DSCAM: variants seen among roughly 807,000 people sequenced by gnomAD.
DSCAM encodes DS cell adhesion molecule.
DSCAM carries 47 observed loss-of-function variants against 217.7 expected under a neutral mutation model. The observed-to-expected ratio is 0.22, with a 90% CI of 0.17 to 0.28. The LOEUF (loss-of-function observed/expected upper bound fraction) is 0.28, where lower values mean the gene tolerates loss of function less well. Among genes scored for constraint, DSCAM ranks in the 10% least tolerant of loss-of-function variants. DSCAM has a pLI of 1.00. For missense variants in DSCAM, 2,080 were observed against 2,618.3 expected, an observed-to-expected ratio of 0.79 and a Z score of 4.49; for synonymous variants, 1,056 against 1,015.3, an observed-to-expected ratio of 1.04 and a Z score of -0.76.
intron 32 of DSCAM, among the ~76,000 whole-genome samples, chr21:40,017,708 C>T (rs368834916): frequency 1.4e-4 from 22 of 152,206 alleles, no homozygotes; most frequent in East Asian, 7.8e-4. Context: ...TGCACCACCA[C>T]GCCTGGCTAA....
intron 16 of DSCAM, among the ~76,000 whole-genome samples, chr21:40,155,584 G>A (rs1248599782): frequency 6.6e-6 from 1 of 152,024 alleles, no homozygotes; most frequent in African/African-American, 2.4e-5. Flanking sequence ...AAGCACAAGA[G>A]GCAGGATTTC....
At chr21:40,188,024 T>C in intron 12 of DSCAM, 37 bp from the exon 13 acceptor site, 3 of 1,550,960 alleles carry the variant, frequency 1.9e-6, no homozygotes, top group East Asian at 2.2e-5. Context: ...TCTTTTTCAG[T>C]AGGCAAAATG....
intron 2 of DSCAM, among the ~76,000 whole-genome samples, chr21:40,694,610 A>G (rs1361338379): frequency 6.6e-6 from 1 of 151,992 alleles, no homozygotes; most frequent in Non-Finnish European, 1.5e-5. Flanking sequence ...CTAACCAGAG[A>G]GATTTTTCCA....
At chr21:40,431,523 C>T (rs1250910809) in intron 3 of DSCAM, among the ~76,000 whole-genome samples, 2 of 152,074 alleles carry the variant, frequency 1.3e-5, no homozygotes, top group East Asian at 3.9e-4. Context: ...CCTCAGCCTA[C>T]TCAATGTGAA....
rs1364450172 is a variant in DSCAM at position 40,536,416 on chromosome 21, T to G, written c.508+156394A>C. Among the ~76,000 whole-genome samples, 4 of 151,022 alleles carry G rather than the reference T, an allele frequency of 2.6e-5. No homozygotes were observed. The East Asian group carries it at 7.8e-4, about 29-fold the overall frequency. ...CGGTAGAGTCTTTTTTTTTTTTTTT[T>G]TTTGAGACGGAGTCTCGCTGTGTCC... On this transcript the variant is annotated intron_variant, in intron 3 of 32. Coordinates refer to ENST00000400454, the MANE Select transcript of DSCAM (RefSeq NM_001389.5).
intron 1 of DSCAM, among the ~76,000 whole-genome samples, chr21:40,753,329 T>C (rs2091246491): frequency 1.3e-5 from 2 of 152,154 alleles, no homozygotes; most frequent in African/African-American, 2.4e-5. Flanking sequence ...TCCTTAAAAC[T>C]AAAGAAAGAA....
chr21:40,483,068 A>T (rs1443283499), intron 3 of DSCAM, among the ~76,000 whole-genome samples: 8 of 152,204 alleles, frequency 5.3e-5, no homozygotes, highest in Non-Finnish European at 5.9e-5. Flanking sequence ...TTTGATGACA[A>T]ATTAGTTGTG....
chr21:40,077,411 T>C (rs766287769), intron 26 of DSCAM, among the ~76,000 whole-genome samples: 6 of 152,044 alleles, frequency 3.9e-5, no homozygotes, highest in Non-Finnish European at 5.9e-5. Flanking sequence ...ATAGGAGAAA[T>C]TGGTCCGATG....
At chr21:40,363,102 T>C (rs2123681039) in intron 4 of DSCAM, among the ~76,000 whole-genome samples, 2 of 152,190 alleles carry the variant, frequency 1.3e-5, no homozygotes, top group Admixed American at 1.3e-4. Context: ...ATGGTCCCTT[T>C]TAGTAGTGAA....
rs149827412 is a variant in DSCAM, at chr21:40,781,293, T to C, written c.43+65326A>G. Among the ~76,000 whole-genome samples, 1,125 of 152,348 alleles carry C rather than the reference T, an allele frequency of 7.4e-3. 17 individuals carry two copies. The highest frequency in any genetic ancestry group is 0.026 in the African/African-American group (1,065 of 41,584). Reference sequence around the variant, plus strand: ...CCTTGGCCTCCCCAAGTGCTGGGATTACAAGCATGAGCCACCGTGCCTGGC... The same window carrying C: ...CCTTGGCCTCCCCAAGTGCTGGGATCACAAGCATGAGCCACCGTGCCTGGC... On this transcript the variant is annotated intron_variant, in intron 1 of 32. Transcript: ENST00000400454.
At chr21:40,190,135 G>A (rs1250190659) in intron 11 of DSCAM, among the ~76,000 whole-genome samples, 1 of 152,128 alleles carries the variant, frequency 6.6e-6, no homozygotes, top group Non-Finnish European at 1.5e-5. Flanking sequence ...AATTTACTGA[G>A]AAAAGGGAAC....
At chr21:40,605,263 C>A (rs1410751551) in intron 3 of DSCAM, among the ~76,000 whole-genome samples, 1 of 152,182 alleles carries the variant, frequency 6.6e-6, no homozygotes. Context: ...TGTAAGCTGA[C>A]CTTGGCTCTC....
At chr21:40,415,936 AT>A (rs749126714) in intron 3 of DSCAM, among the ~76,000 whole-genome samples, 1 of 152,134 alleles carries the variant, frequency 6.6e-6, no homozygotes, top group Non-Finnish European at 1.5e-5. Flanking sequence ...CAGATTTTCT[AT>A]TTTTAGGCAG....
At chr21:40,786,212 G>T (rs2091592517) in intron 1 of DSCAM, among the ~76,000 whole-genome samples, 1 of 150,952 alleles carries the variant, frequency 6.6e-6, no homozygotes, top group Admixed American at 6.6e-5. Context: ...CTCCAGCCTG[G>T]GCAACAAGAG....
rs547983045 is a variant in DSCAM at position 40,411,109 on chromosome 21, C to A, written c.509-41864G>T. Among the ~76,000 whole-genome samples the A allele has an allele frequency of 7.9e-5, 12 of 151,588 alleles. No individual in the cohort carries two copies. In the South Asian group the frequency reaches 2.5e-3, roughly 32 times the overall value. ...CTAGCAGGGGAGTATTGGAAATACA[C>A]TGTAATAAGATTCAACAATATATGT... On this transcript the variant is annotated intron_variant, in intron 3 of 32. Transcript: ENST00000400454.
chr21:40,411,541 T>G (rs866307913), intron 3 of DSCAM, among the ~76,000 whole-genome samples: 12 of 150,210 alleles, frequency 8.0e-5, no homozygotes, highest in Middle Eastern at 6.8e-3. Flanking sequence ...AAACATACTT[T>G]AAGTTAAGTC....
chr21:40,024,621 T>C (rs1441783630), intron 32 of DSCAM, among the ~76,000 whole-genome samples: 3 of 70,672 alleles, frequency 4.2e-5, no homozygotes, highest in African/African-American at 1.6e-4. Context: ...TATTTTATTC[T>C]CTTTGAAGCA....
intron 20 of DSCAM, among the ~76,000 whole-genome samples, chr21:40,119,124 G>C (rs1344158166): frequency 6.6e-6 from 1 of 152,108 alleles, no homozygotes; most frequent in Admixed American, 6.6e-5. Context: ...TAAAACCATT[G>C]GTTGTTGTAT....
At chr21:40,359,841 A>C (rs77356441) in intron 4 of DSCAM, among the ~76,000 whole-genome samples, 9,885 of 152,260 alleles carry the variant, frequency 0.065, 394 homozygotes, top group East Asian at 0.21. Context: ...TTGGGTGGTG[A>C]AAATATTCTA....
Sources: allele counts gnomAD v4.1 joint callset (sites outside exome capture counted in the v4.1 genomes callset), GRCh38; gene constraint gnomAD v4.1.1; transcripts MANE v1.5; gene names NCBI Gene and HGNC (gene_info 2026-07-23, HGNC 2026-07-21).